GABRB1: variants seen among roughly 807,000 people sequenced by gnomAD.
GABRB1 encodes the protein gamma-aminobutyric acid receptor subunit beta-1.
A neutral mutation model predicts 51.6 loss-of-function variants in GABRB1; 17 were observed. That is an observed-to-expected ratio of 0.33 (90% confidence interval 0.23 to 0.49). The LOEUF is 0.49. GABRB1 is among the 20% of genes least tolerant of loss of function. The pLI, the probability that GABRB1 is intolerant of heterozygous loss-of-function variation, is 0.99. For synonymous variants in GABRB1, 247 were observed against 218.9 expected, an observed-to-expected ratio of 1.13 and a Z score of -1.14; for missense variants, 410 against 600.6, an observed-to-expected ratio of 0.68 and a Z score of 3.32.
At chr4:47,362,134 C>G (rs962512268) in intron 5 of GABRB1, among the ~76,000 whole-genome samples, 1 of 152,056 alleles carries the variant, frequency 6.6e-6, no homozygotes, top group East Asian at 1.9e-4. Context: ...TCAGAGAAGC[C>G]ACTGGAGGAA....
chr4:47,326,703 T>C lies in GABRB1; in HGVS notation c.544+6494T>C, dbSNP rs535655519. Among the ~76,000 whole-genome samples the C allele has an allele frequency of 1.8e-4, 27 of 152,254 alleles. No individual in the cohort carries two copies. In the East Asian group the frequency reaches 3.7e-3, roughly 21 times the overall value. On this transcript the variant is annotated intron_variant, in intron 5 of 8. Transcript: ENST00000295454. ...ATAAGGACACAGCTAGAAGTTACCT[T>C]TTATGAACCAGAAAGTGAGCCCTCA... is the stretch of plus-strand genomic sequence containing the variant.
chr4:47,286,484 A>G (rs1343253506), intron 4 of GABRB1, among the ~76,000 whole-genome samples: 1 of 152,018 alleles, frequency 6.6e-6, no homozygotes, highest in African/African-American at 2.4e-5. Flanking sequence ...TTCTACATTT[A>G]TTTCCTGCCC....
At position 47,003,671 on chromosome 4, in the gene GABRB1, A is replaced by T. The variant is rs191504235; in HGVS notation, c.-20+9745A>T. Among the ~76,000 whole-genome samples, 3 of 152,322 alleles carry T rather than the reference A, an allele frequency of 2.0e-5. No individual in the cohort carries two copies. In the East Asian group the frequency reaches 5.8e-4, roughly 29 times the overall value. ...CTAGTTCTGCTACATTCTTTTAAGT[A>T]TGGGAATGAGGCTCAGAGAGACGAC... On this transcript the variant is annotated intron_variant, in intron 1 of 3. Transcript: ENST00000513567.
chr4:47,330,784 GTGATCC>G (rs1410180230), intron 5 of GABRB1, among the ~76,000 whole-genome samples: 1 of 151,974 alleles, frequency 6.6e-6, no homozygotes, highest in East Asian at 1.9e-4. Flanking sequence ...TAATTCTAAA[GTGATCC>G]TGATTTATAA....
At chr4:47,214,618 A>C (rs568956807) in intron 4 of GABRB1, among the ~76,000 whole-genome samples, 1 of 152,318 alleles carries the variant, frequency 6.6e-6, no homozygotes, top group African/African-American at 2.4e-5. Flanking sequence ...CTCATATGCA[A>C]AATATGGTTA....
At chr4:47,345,530 A>T (rs1726058357) in intron 5 of GABRB1, among the ~76,000 whole-genome samples, 1 of 152,210 alleles carries the variant, frequency 6.6e-6, no homozygotes, top group Admixed American at 6.5e-5. Context: ...ATCAAGTTGA[A>T]GACCCTGTGG....
chr4:47,291,413 G>A (rs1446724759), intron 4 of GABRB1, among the ~76,000 whole-genome samples: 1 of 152,178 alleles, frequency 6.6e-6, no homozygotes, highest in Non-Finnish European at 1.5e-5. Context: ...GTGCAGAAGG[G>A]AAATGTGGTG....
rs193179301 is a variant in GABRB1, at chr4:47,018,421, T to A, written c.-19-13493T>A. Among the ~76,000 whole-genome samples, 199 of 152,326 alleles carry A rather than the reference T, an allele frequency of 1.3e-3. 1 individual carries two copies. The highest frequency in any genetic ancestry group is 0.01 in the Middle Eastern group (3 of 294). On this transcript the variant is annotated intron_variant, in intron 1 of 3. Coordinates refer to the GABRB1 transcript ENST00000513567. ...GTTAAATTGCTAATGTCTCTGCTTC[T>A]TAGTAGTAAGACTAATGCCACAAAA...
At chr4:47,235,280 G>T (rs981564889) in intron 4 of GABRB1, among the ~76,000 whole-genome samples, 1 of 152,102 alleles carries the variant, frequency 6.6e-6, no homozygotes, top group Non-Finnish European at 1.5e-5. Flanking sequence ...TCCCAGGCGC[G>T]GTGGATCACG....
At chr4:47,342,590 C>T (rs1362993845) in intron 5 of GABRB1, among the ~76,000 whole-genome samples, 1 of 152,034 alleles carries the variant, frequency 6.6e-6, no homozygotes, top group Admixed American at 6.6e-5. Context: ...ACTTATGATT[C>T]AAATTTTCCA....
At chr4:47,272,533 A>C (rs1179549839) in intron 4 of GABRB1, among the ~76,000 whole-genome samples, 4 of 152,242 alleles carry the variant, frequency 2.6e-5, no homozygotes, top group Non-Finnish European at 4.4e-5. Context: ...TAACTAAATA[A>C]ATTTTAAAAA....
chr4:47,065,661 A>G (rs1727046618), intron 3 of GABRB1, among the ~76,000 whole-genome samples: 1 of 152,250 alleles, frequency 6.6e-6, no homozygotes, highest in South Asian at 2.1e-4. Flanking sequence ...TAAACTTGCC[A>G]GTCTTCAAAT....
chr4:47,088,244 C>T (rs1445687878), intron 3 of GABRB1, among the ~76,000 whole-genome samples: 2 of 152,108 alleles, frequency 1.3e-5, no homozygotes, highest in African/African-American at 4.8e-5. Flanking sequence ...GTGCTGGGGA[C>T]AGAGATGAGG....
At chr4:47,208,674 G>A (rs1720233985) in intron 4 of GABRB1, among the ~76,000 whole-genome samples, 1 of 152,066 alleles carries the variant, frequency 6.6e-6, no homozygotes, top group African/African-American at 2.4e-5. Context: ...AGTTGTGAAA[G>A]GCTCTTCATG....
At chr4:47,213,876 AATAGTTCT>A (rs1720458014) in intron 4 of GABRB1, among the ~76,000 whole-genome samples, 1 of 151,686 alleles carries the variant, frequency 6.6e-6, no homozygotes, top group Non-Finnish European at 1.5e-5. Context: ...TCCTAAAATC[AATAGTTCT>A]ATATTATGCG....
At chr4:47,392,089 T>C (rs1478755580) in intron 5 of GABRB1, among the ~76,000 whole-genome samples, 1 of 139,852 alleles carries the variant, frequency 7.2e-6, no homozygotes, top group African/African-American at 2.6e-5. Flanking sequence ...TTGGAAGGGC[T>C]AAAAAAAAAA....
intron 4 of GABRB1, among the ~76,000 whole-genome samples, chr4:47,239,843 T>G (rs1010444012): frequency 6.6e-6 from 1 of 152,206 alleles, no homozygotes; most frequent in East Asian, 1.9e-4. Context: ...GGCTGTGTTC[T>G]GGCATGGCTG....
At chr4:47,281,463 C>T (rs1723290952) in intron 4 of GABRB1, among the ~76,000 whole-genome samples, 1 of 151,948 alleles carries the variant, frequency 6.6e-6, no homozygotes, top group Non-Finnish European at 1.5e-5. Context: ...TAAATTAGTA[C>T]AATCATTTTG....
At chr4:47,061,707 G>C (rs916878373) in intron 3 of GABRB1, among the ~76,000 whole-genome samples, 1 of 152,134 alleles carries the variant, frequency 6.6e-6, no homozygotes, top group South Asian at 2.1e-4. Context: ...GCAAGCAAAC[G>C]TCTCGTCTTC....
Sources: gnomAD v4.1 joint callset for allele counts (sites outside exome capture counted in the v4.1 genomes callset) on GRCh38, gnomAD v4.1.1 for gene constraint, MANE v1.5 for transcripts, NCBI Gene and HGNC (gene_info 2026-07-23, HGNC 2026-07-21) for gene names.